The following EEF2K variants were observed in gnomAD, a reference collection of about 807,000 sequenced individuals.
EEF2K encodes the protein eukaryotic elongation factor 2 kinase.
In EEF2K, 70 loss-of-function variants were observed where a neutral mutation model predicts 93.8. The observed-to-expected ratio is 0.75, with a 90% CI of 0.62 to 0.91. The LOEUF is 0.91. EEF2K is among the 40% of genes least tolerant of loss of function. The probability of loss-of-function intolerance (pLI) is 0.00; values close to 1 mark genes in which losing one functional copy is unlikely to be tolerated. For synonymous variants in EEF2K, 376 were observed against 380.8 expected (o/e 0.99, Z 0.15); for missense variants, 935 against 972.9 (o/e 0.96, Z 0.52).
rs1408226822 is a variant in EEF2K at position 22,243,768 on chromosome 16, CA to C, written c.247-857del. Among the ~76,000 whole-genome samples the C allele has an allele frequency of 7.3e-5, 11 of 149,916 alleles. No homozygotes were observed. In the South Asian group the frequency reaches 2.3e-3, roughly 32 times the overall value. On this transcript the variant is annotated intron_variant, in intron 2 of 17. Transcript: ENST00000263026. ...GAAACCCCGTCTCTACCAAAAAGTA[CA>C]AAAATTAGCCAGGTATAGTGGTGTG...
chr16:22,245,417 G>A (rs2047278404), intron 3 of EEF2K, among the ~76,000 whole-genome samples: 1 of 152,046 alleles, frequency 6.6e-6, no homozygotes, highest in Non-Finnish European at 1.5e-5. Context: ...TGCAAACTGT[G>A]CAGCTCTGGA....
intron 2 of EEF2K, among the ~76,000 whole-genome samples, chr16:22,239,647 C>T (rs1251304592): frequency 6.6e-6 from 1 of 151,972 alleles, no homozygotes; most frequent in Non-Finnish European, 1.5e-5. Flanking sequence ...CCTGTCTGTA[C>T]AGAAATTTAA....
chr16:22,272,450 ATAT>A (rs981459725), intron 15 of EEF2K, among the ~76,000 whole-genome samples: 20 of 152,350 alleles, frequency 1.3e-4, no homozygotes, highest in African/African-American at 2.9e-4. Context: ...TTGTATGACT[ATAT>A]TATTATGAAA....
At chr16:22,232,097 C>T (rs2047121919) in intron 2 of EEF2K, among the ~76,000 whole-genome samples, 1 of 151,888 alleles carries the variant, frequency 6.6e-6, no homozygotes, top group Admixed American at 6.6e-5. Context: ...ATCCCCTCCA[C>T]TCACACACAT....
Position 22,285,211 on chromosome 16 carries a change from T to C in EEF2K, c.*1215T>C, listed in dbSNP as rs757211850. On this transcript the variant is annotated 3_prime_UTR_variant, in exon 18 of 18. Transcript: ENST00000263026. Reference sequence around the variant, plus strand: ...CAGCTCCCACAACGTGACTGCAATGTCTCTTATACAGTATTCCTTGGTGTT... The same window carrying C: ...CAGCTCCCACAACGTGACTGCAATGCCTCTTATACAGTATTCCTTGGTGTT... 6.6e-6 allele frequency: 1 copy of C among 152,368 alleles called. No homozygotes were observed. Among genetic ancestry groups the C allele is most frequent in the African/African-American group, 2.4e-5 (1 of 41,446 alleles). 9.4% of individuals were successfully genotyped at this position (152,368 alleles called of 1,614,324 possible). A position where few individuals can be genotyped will look rare whatever the true frequency, so the allele number is the denominator to read the frequency against.
At chr16:22,259,773 C>T (rs559165412) in intron 10 of EEF2K, among the ~76,000 whole-genome samples, 81 of 151,778 alleles carry the variant, frequency 5.3e-4, no homozygotes, top group South Asian at 3.1e-3. Flanking sequence ...TGTTTTGAGA[C>T]GGAATCTCTC....
rs2047750484 is a variant in EEF2K, at chr16:22,286,064, C to G, written c.*2068C>G. Reference sequence around the variant, plus strand: ...GTTAGTTCCAAAGTTCAGTGTGTACCCTTAAATGAACAATGAAGCAGGTAA... The same window carrying G: ...GTTAGTTCCAAAGTTCAGTGTGTACGCTTAAATGAACAATGAAGCAGGTAA... On this transcript the variant is annotated 3_prime_UTR_variant, in exon 18 of 18. Coordinates refer to ENST00000263026, the MANE Select transcript of EEF2K (RefSeq NM_013302.5). 2 of 152,016 alleles carry G rather than the reference C, an allele frequency of 1.3e-5. No homozygotes were observed. The highest frequency in any genetic ancestry group is 1.3e-4 in the Admixed American group (2 of 15,246). The allele number at this position is 152,016 out of a possible 1,614,324, so 9.4% of individuals were successfully genotyped here. A position where few individuals can be genotyped will look rare whatever the true frequency, so the allele number is the denominator to read the frequency against.
intron 16 of EEF2K, 58 bp from the exon 17 acceptor site, chr16:22,280,140 C>T: frequency 2.1e-6 from 3 of 1,406,874 alleles, no homozygotes; most frequent in Non-Finnish European, 2.8e-6. Flanking sequence ...GAAGGCCCTC[C>T]TCCTGCCACC....
At chr16:22,232,594 G>A (rs2047127066) in intron 2 of EEF2K, among the ~76,000 whole-genome samples, 1 of 152,154 alleles carries the variant, frequency 6.6e-6, no homozygotes, top group East Asian at 1.9e-4. Flanking sequence ...GCTCTTAGCA[G>A]ACCTTTATGT....
chr16:22,244,792 A>T, intron 3 of EEF2K, 62 bp downstream of exon 3: 1 of 1,546,156 alleles, frequency 6.5e-7, no homozygotes, highest in Non-Finnish European at 8.9e-7. Flanking sequence ...TTCTGTTCCC[A>T]ATCAGTGAGG....
In EEF2K at chr16:22,266,863, A is replaced by T. The variant is rs957696236; in HGVS notation, c.1751A>T (p.Asp584Val). 19 of 1,610,252 alleles carry T rather than the reference A, an allele frequency of 1.2e-5. No individual in the cohort carries two copies. The highest frequency in any genetic ancestry group is 1.4e-5 in the Non-Finnish European group (17 of 1,177,584). The change falls in exon 15 of 18, where the codon GAT (aspartate) becomes GTT (valine). Residue 584 changes from aspartate (D) to valine (V), a missense_variant. By Grantham distance (152) the Asp-to-Val change is radical. Transcript: ENST00000263026. ...CAGTTGCCTCATCACATCCTAGCCG[A>T]TGTCTCTCTGAAGGTGAGCAGGTGG... ...YSQLPHHILA[D>V]VSLKETEENK...
At position 22,209,663 on chromosome 16, in the gene EEF2K, T is replaced by C. The variant is rs558771232; in HGVS notation, c.-77+2984T>C. Reference sequence around the variant, plus strand: ...GCTGCAGGTTATTACCCTGATGAACTGAGAAGGCTCCTAGAAGGTGGTTAG... The same window carrying C: ...GCTGCAGGTTATTACCCTGATGAACCGAGAAGGCTCCTAGAAGGTGGTTAG... On this transcript the variant is annotated intron_variant, in intron 1 of 17. Transcript: ENST00000263026. Among the ~76,000 whole-genome samples the C allele has an allele frequency of 2.4e-4, 37 of 152,352 alleles. No homozygotes were observed. In the East Asian group the frequency reaches 4.2e-3, roughly 17 times the overall value.
chr16:22,243,103 G>T lies in EEF2K; in HGVS notation c.247-1527G>T, dbSNP rs374084948. Among the ~76,000 whole-genome samples the T allele has an allele frequency of 3.3e-5, 5 of 151,956 alleles. No individual in the cohort carries two copies. The East Asian group carries it at 9.6e-4, about 29-fold the overall frequency. On this transcript the variant is annotated intron_variant, in intron 2 of 17. Coordinates refer to ENST00000263026, the MANE Select transcript of EEF2K (RefSeq NM_013302.5). ...AAATAAAAAAGGCAACATATCTTTG[G>T]CATGGTTCTAGCTCTGAGCTTAGAA... is the stretch of plus-strand genomic sequence containing the variant.
chr16:22,281,278 C>G (rs1181712045), intron 17 of EEF2K, among the ~76,000 whole-genome samples: 1 of 151,894 alleles, frequency 6.6e-6, no homozygotes, highest in Non-Finnish European at 1.5e-5. Flanking sequence ...CTCACTGTGT[C>G]ACTCAGGCTG....
At chr16:22,207,469 C>T (rs1414706851) in intron 1 of EEF2K, among the ~76,000 whole-genome samples, 1 of 152,146 alleles carries the variant, frequency 6.6e-6, no homozygotes, top group Non-Finnish European at 1.5e-5. Context: ...GCTCTCTGGC[C>T]CTCGGTTTTC....
chr16:22,218,767 T>C (rs1433740563), intron 1 of EEF2K, among the ~76,000 whole-genome samples: 1 of 151,480 alleles, frequency 6.6e-6, no homozygotes, highest in Non-Finnish European at 1.5e-5. Context: ...ACATAGCCAG[T>C]TAGTGGTAGA....
intron 1 of EEF2K, among the ~76,000 whole-genome samples, chr16:22,217,082 G>A (rs2046964290): frequency 6.7e-6 from 1 of 148,172 alleles, no homozygotes; most frequent in African/African-American, 2.5e-5. Context: ...GATCACTTGA[G>A]CCTAGGAAAC....
intron 15 of EEF2K, among the ~76,000 whole-genome samples, chr16:22,269,317 C>A (rs2047554280): frequency 1.3e-5 from 2 of 152,234 alleles, no homozygotes; most frequent in South Asian, 4.1e-4. Context: ...TCCCTCGTGT[C>A]CCTATCTCCC....
intron 15 of EEF2K, among the ~76,000 whole-genome samples, chr16:22,270,593 A>G (rs935723182): frequency 6.6e-6 from 1 of 152,112 alleles, no homozygotes; most frequent in Non-Finnish European, 1.5e-5. Flanking sequence ...GTTCTGTTAT[A>G]TGTGTGGGGC....
Sources: gnomAD v4.1 joint callset for allele counts (sites outside exome capture counted in the v4.1 genomes callset) on GRCh38, gnomAD v4.1.1 for gene constraint, MANE v1.5 for transcripts, NCBI Gene and HGNC (gene_info 2026-07-23, HGNC 2026-07-21) for gene names.